Variants in C19orf47 observed in about 807,000 individuals in gnomAD.
C19orf47 encodes the protein chromosome 19 open reading frame 47, also known as uncharacterized protein C19orf47.
In C19orf47, 18 loss-of-function variants were observed where a neutral mutation model predicts 32.3. That is an observed-to-expected ratio of 0.56 (90% CI 0.39 to 0.83). C19orf47 has a LOEUF of 0.83. Ranked by LOEUF, C19orf47 falls within the 40% of genes least tolerant of loss-of-function variation. The pLI is 0.00. For synonymous variants in C19orf47, 202 were observed against 211.1 expected (o/e 0.96, Z 0.37); for missense variants, 484 against 531.6 (o/e 0.91, Z 0.88).
intron 6 of C19orf47, 124 bp from the exon 7 acceptor site, chr19:40,326,610 C>T: frequency 8.5e-7 from 1 of 1,181,694 alleles, no homozygotes; most frequent in East Asian, 2.6e-5. Flanking sequence ...CCTTCCCAAC[C>T]ACCCACATCA....
the C19orf47 span, among the ~76,000 whole-genome samples, chr19:40,301,926 G>A: frequency 6.6e-5 from 10 of 151,794 alleles, no homozygotes; most frequent in African/African-American, 2.4e-4. Flanking sequence ...TTGGAAGGCC[G>A]AGGCAGGTGG....
chr19:40,311,016 T>C, the C19orf47 span, among the ~76,000 whole-genome samples: 1 of 152,250 alleles, frequency 6.6e-6, no homozygotes, highest in East Asian at 1.9e-4. Flanking sequence ...GGTGAGCGGA[T>C]TGCTTGAGTC....
chr19:40,310,896 A>G, the C19orf47 span, among the ~76,000 whole-genome samples: 4 of 152,170 alleles, frequency 2.6e-5, no homozygotes, highest in Admixed American at 2.6e-4. Flanking sequence ...ATGCCCAAAA[A>G]TACATAAAAA....
chr19:40,301,381 C>G, the C19orf47 span, among the ~76,000 whole-genome samples: 2 of 149,726 alleles, frequency 1.3e-5, no homozygotes, highest in African/African-American at 4.9e-5. Flanking sequence ...CGCTCTGTCG[C>G]CCAGGCTGGA....
At chr19:40,334,534 G>A (rs1441908292) in intron 4 of C19orf47, among the ~76,000 whole-genome samples, 2 of 152,040 alleles carry the variant, frequency 1.3e-5, no homozygotes, top group Non-Finnish European at 2.9e-5. Context: ...GATCACCTGA[G>A]GCCAGGAGTT....
chr19:40,294,845 C>A, the C19orf47 span, among the ~76,000 whole-genome samples: 2 of 152,148 alleles, frequency 1.3e-5, no homozygotes, highest in African/African-American at 4.8e-5. Context: ...GAGTTTGGTC[C>A]CAATAACTGT....
the C19orf47 span, among the ~76,000 whole-genome samples, chr19:40,294,397 T>C: frequency 6.6e-6 from 1 of 152,204 alleles, no homozygotes; most frequent in Non-Finnish European, 1.5e-5. Flanking sequence ...CTAGTTCTTG[T>C]ATAATAACTC....
chr19:40,303,285 A>C, the C19orf47 span, among the ~76,000 whole-genome samples: 1 of 151,786 alleles, frequency 6.6e-6, no homozygotes, highest in East Asian at 1.9e-4. Flanking sequence ...GCACTTTGGG[A>C]GGCCGAGGTG....
At chr19:40,301,078 G>A in the C19orf47 span, among the ~76,000 whole-genome samples, 312 of 152,158 alleles carry the variant, frequency 2.1e-3, 1 homozygote, top group African/African-American at 7.1e-3. Context: ...CACGAGAATC[G>A]CTTGAGCCCG....
Position 40,336,086 on chromosome 19 carries a change from A to G in C19orf47, c.222+24T>C, listed in dbSNP as rs749042478. On this transcript the variant is annotated intron_variant, in intron 4 of 8. Transcript: ENST00000683109. Reference sequence around the variant, plus strand: ...CCACCTCCATGCCAAACCCAGAGACAGAGGGGCTGGGCACAGCACCCACCT... The same window carrying G: ...CCACCTCCATGCCAAACCCAGAGACGGAGGGGCTGGGCACAGCACCCACCT... The G allele has an allele frequency of 5.6e-6, 9 of 1,604,902 alleles. No individual in the cohort carries two copies. In the Admixed American group the frequency reaches 6.7e-5, roughly 12 times the overall value.
At chr19:40,308,302 C>G in the C19orf47 span, among the ~76,000 whole-genome samples, 676 of 149,072 alleles carry the variant, frequency 4.5e-3, 4 homozygotes, top group African/African-American at 0.016. Context: ...ATTACAGGCG[C>G]GTGTCACCAC....
intron 4 of C19orf47, among the ~76,000 whole-genome samples, chr19:40,334,353 G>A (rs2078016462): frequency 6.6e-6 from 1 of 152,204 alleles, no homozygotes; most frequent in Non-Finnish European, 1.5e-5. Context: ...AGGGGCTGAG[G>A]TGGTAGGATT....
At chr19:40,332,089 AGGTGCAGT>A (rs1165161724) in intron 5 of C19orf47, among the ~76,000 whole-genome samples, 1 of 152,062 alleles carries the variant, frequency 6.6e-6, no homozygotes, top group Non-Finnish European at 1.5e-5. Flanking sequence ...AAAAATAGCC[AGGTGCAGT>A]GGCTCATGCC....
chr19:40,316,408 C>T (rs571891516), downstream of C19orf47, among the ~76,000 whole-genome samples: 73 of 152,334 alleles, frequency 4.8e-4, 1 homozygote, highest in Admixed American at 4.7e-3. Flanking sequence ...TCAGCATGAG[C>T]CCTGGGCTCG....
chr19:40,333,722 T>C, intron 5 of C19orf47, 129 bp downstream of exon 5: 1 of 672,264 alleles, frequency 1.5e-6, no homozygotes, highest in Admixed American at 3.7e-5. Flanking sequence ...AAAAGAAGAG[T>C]AAGAATTCCT....
intron 4 of C19orf47, among the ~76,000 whole-genome samples, chr19:40,335,154 A>G (rs1362580719): frequency 6.6e-6 from 1 of 152,274 alleles, no homozygotes; most frequent in Non-Finnish European, 1.5e-5. Flanking sequence ...ACAGCACTCC[A>G]GGTCTGGTGC....
intron 2 of C19orf47, among the ~76,000 whole-genome samples, chr19:40,336,902 C>A (rs536144470): frequency 2.0e-5 from 3 of 152,210 alleles, no homozygotes; most frequent in African/African-American, 7.2e-5. Context: ...GGCAAGCCCC[C>A]ACCCGCCACA....
the C19orf47 span, among the ~76,000 whole-genome samples, chr19:40,294,642 A>G: frequency 6.6e-6 from 1 of 152,180 alleles, no homozygotes; most frequent in East Asian, 1.9e-4. Flanking sequence ...CAAGACAAAA[A>G]CCAGATGAGG....
chr19:40,343,901 T>G (rs530005300), intron 1 of C19orf47: 68 of 151,252 alleles, frequency 4.5e-4, no homozygotes, highest in African/African-American at 1.5e-3. Context: ...GTTCAAGCGG[T>G]TCTCCTGCCT....
Sources: gnomAD v4.1 joint callset for allele counts (sites outside exome capture counted in the v4.1 genomes callset) on GRCh38, gnomAD v4.1.1 for gene constraint, MANE v1.5 for transcripts, NCBI Gene and HGNC (gene_info 2026-07-23, HGNC 2026-07-21) for gene names.